Variants in KATNIP observed in about 807,000 individuals in gnomAD.
The protein encoded by KATNIP is katanin interacting protein, also known as katanin-interacting protein.
A neutral mutation model predicts 174.0 loss-of-function variants in KATNIP; 126 were observed. The ratio of observed to expected loss-of-function variants is 0.72; its 90% CI spans 0.63 to 0.84. The LOEUF (loss-of-function observed/expected upper bound fraction) is 0.84. KATNIP is among the 40% of genes least tolerant of loss of function. The pLI is 0.00. For missense variants in KATNIP, 1,958 were observed against 2,109.7 expected (o/e 0.93, Z 1.41); for synonymous variants, 810 against 835.7 (o/e 0.97, Z 0.53).
chr16:27,667,369 T>G (rs2077722936), intron 6 of KATNIP, among the ~76,000 whole-genome samples: 2 of 152,026 alleles, frequency 1.3e-5, no homozygotes, highest in African/African-American at 4.8e-5. Flanking sequence ...AAGAACAAAT[T>G]AATCAACTAA....
chr16:27,753,769 C>T (rs2081607470), intron 17 of KATNIP, among the ~76,000 whole-genome samples: 1 of 141,624 alleles, frequency 7.1e-6, no homozygotes. Flanking sequence ...TTTCCTCCTT[C>T]CCTCCTTCCT....
intron 6 of KATNIP, chr16:27,654,830 G>C: frequency 8.3e-7 from 1 of 1,210,736 alleles, no homozygotes; most frequent in South Asian, 1.2e-5. Context: ...CTCCGTGAGA[G>C]AGTCTAGGAA....
chr16:27,732,039 A>G (rs1190770985), intron 14 of KATNIP, among the ~76,000 whole-genome samples: 9 of 152,208 alleles, frequency 5.9e-5, no homozygotes, highest in Non-Finnish European at 1.0e-4. Flanking sequence ...AAATTTTTCA[A>G]CAGAGGCCAG....
chr16:27,751,615 T>G lies in KATNIP; in HGVS notation c.3347-104T>G, dbSNP rs542676585. ...CACACTAATCAATACCAGTTAAGGG[T>G]GTGGGGTTGTACAGCACAGAAGTGG... On this transcript the variant is annotated intron_variant, in intron 16 of 27. Coordinates refer to ENST00000261588, the MANE Select transcript of KATNIP (RefSeq NM_015202.5). 60 of 1,003,478 alleles carry G rather than the reference T, an allele frequency of 6.0e-5. No homozygotes were observed. In the South Asian group the frequency reaches 8.3e-4, roughly 14 times the overall value. The allele number at this position is 1,003,478 out of a possible 1,614,324, so 62.2% of individuals were successfully genotyped here.
chr16:27,592,153 A>G (rs1322939486), intron 2 of KATNIP, among the ~76,000 whole-genome samples: 1 of 151,876 alleles, frequency 6.6e-6, no homozygotes, highest in African/African-American at 2.4e-5. Context: ...CATGATGATT[A>G]ATTTGTCTAG....
chr16:27,592,923 A>G (rs2075224243), intron 2 of KATNIP, among the ~76,000 whole-genome samples: 2 of 152,206 alleles, frequency 1.3e-5, no homozygotes, highest in Non-Finnish European at 2.9e-5. Context: ...TGGTTAAAAA[A>G]ATAAACTTAG....
chr16:27,666,392 TTTTTGTTTTG>T lies in KATNIP; in HGVS notation c.541-11302_541-11293del, dbSNP rs56799945. ...ATCAAAATTGATGTAGGGGAATGAG[TTTTTGTTTTG>T]TTTTGTTTTGTTTTGTTTTGTTTTG... On this transcript the variant is annotated intron_variant, in intron 6 of 27. Coordinates refer to ENST00000261588, the MANE Select transcript of KATNIP (RefSeq NM_015202.5). Among the ~76,000 whole-genome samples the T allele has an allele frequency of 4.9e-3, 737 of 149,506 alleles. 3 individuals are homozygous for T. The highest frequency in any genetic ancestry group is 7.2e-3 in the African/African-American group (292 of 40,674).
intron 1 of KATNIP, among the ~76,000 whole-genome samples, chr16:27,560,033 C>T (rs776873986): frequency 5.3e-5 from 8 of 150,480 alleles, no homozygotes; most frequent in Non-Finnish European, 1.0e-4. Flanking sequence ...CCTGCAATCC[C>T]AACACTTTGG....
chr16:27,586,198 T>A (rs2090891352), intron 2 of KATNIP, among the ~76,000 whole-genome samples: 1 of 152,192 alleles, frequency 6.6e-6, no homozygotes, highest in Admixed American at 6.5e-5. Flanking sequence ...TACCCTGATG[T>A]GCTTATTATG....
At chr16:27,581,594 C>A (rs1385381821) in intron 2 of KATNIP, among the ~76,000 whole-genome samples, 6 of 152,096 alleles carry the variant, frequency 3.9e-5, no homozygotes, top group Non-Finnish European at 7.3e-5. Flanking sequence ...ACCTTGATTT[C>A]TTTTGTTTTA....
intron 2 of KATNIP, among the ~76,000 whole-genome samples, chr16:27,618,170 A>G (rs186658564): frequency 1.2e-4 from 19 of 152,314 alleles, no homozygotes; most frequent in Admixed American, 1.2e-3. Context: ...CATGGGAGGA[A>G]CGAACAGTAG....
chr16:27,667,435 G>A (rs1477975574), intron 6 of KATNIP, among the ~76,000 whole-genome samples: 1 of 152,180 alleles, frequency 6.6e-6, no homozygotes, highest in Non-Finnish European at 1.5e-5. Flanking sequence ...TAATATGAAT[G>A]TGTAAAATGC....
At chr16:27,711,376 C>T (rs766412227) in intron 13 of KATNIP, among the ~76,000 whole-genome samples, 7 of 152,182 alleles carry the variant, frequency 4.6e-5, no homozygotes, top group Non-Finnish European at 8.8e-5. Flanking sequence ...CACTAACTTA[C>T]GTCTTAAACT....
chr16:27,636,916 C>CA (rs2076653779), intron 5 of KATNIP, among the ~76,000 whole-genome samples: 1 of 152,234 alleles, frequency 6.6e-6, no homozygotes, highest in South Asian at 2.1e-4. Context: ...GAACAGGTGA[C>CA]AGACAAGTCC....
Position 27,661,959 on chromosome 16 carries a change from CAT to C in KATNIP, c.540+13226_540+13227del, listed in dbSNP as rs1408523092. ...ATATATATATATATATATATATACACATACATATATATATATATATATATATA... is the reference window on the plus strand; with the variant it reads ...ATATATATATATATATATATATACACACATATATATATATATATATATATA... On this transcript the variant is annotated intron_variant, in intron 6 of 27. Coordinates refer to ENST00000261588, the MANE Select transcript of KATNIP (RefSeq NM_015202.5). Among the ~76,000 whole-genome samples, 14 of 29,206 alleles carry C rather than the reference CAT, an allele frequency of 4.8e-4. 2 individuals are homozygous for C. The highest frequency in any genetic ancestry group is 1.4e-3 in the African/African-American group (8 of 5,608). The allele number at this position is 29,206 out of a possible 152,430, so 19.2% of individuals were successfully genotyped here. A position where few individuals can be genotyped will look rare whatever the true frequency, so the allele number is the denominator to read the frequency against.
chr16:27,770,069 C>T lies in KATNIP; in HGVS notation c.4133+51C>T, dbSNP rs374361453. The T allele has an allele frequency of 7.4e-4, 1,175 of 1,589,508 alleles. 18 individuals are homozygous for T. In the South Asian group the frequency reaches 0.012, roughly 17 times the overall value. ...CAGCCCCTCCCGGCCCCTGGGCCCG[C>T]TTGCTTTGCAAGTTGCTCTGATGTA... On this transcript the variant is annotated intron_variant, in intron 21 of 27. Transcript: ENST00000261588.
chr16:27,756,709 G>C (rs533010231), intron 18 of KATNIP, among the ~76,000 whole-genome samples: 24 of 151,712 alleles, frequency 1.6e-4, no homozygotes, highest in Non-Finnish European at 2.9e-4. Flanking sequence ...TTTTTTTTTG[G>C]CAGGGGATGA....
intron 19 of KATNIP, among the ~76,000 whole-genome samples, chr16:27,763,722 A>T (rs1567417736): frequency 6.6e-6 from 1 of 152,082 alleles, no homozygotes; most frequent in African/African-American, 2.4e-5. Flanking sequence ...CCTTTTTAAC[A>T]GTTTGCTCAT....
At chr16:27,564,922 C>T (rs943851841) in intron 1 of KATNIP, among the ~76,000 whole-genome samples, 8 of 151,958 alleles carry the variant, frequency 5.3e-5, no homozygotes, top group African/African-American at 1.9e-4. Context: ...CGCCACCACA[C>T]CCGGCTAATT....
Sources: gnomAD v4.1 joint callset for allele counts (sites outside exome capture counted in the v4.1 genomes callset) on GRCh38, gnomAD v4.1.1 for gene constraint, MANE v1.5 for transcripts, NCBI Gene and HGNC (gene_info 2026-07-23, HGNC 2026-07-21) for gene names.